The following NTM variants were observed in gnomAD, a reference collection of about 807,000 sequenced individuals.
NTM encodes the protein neurotrimin, also known as IgLON family member 2.
A neutral mutation model predicts 42.1 loss-of-function variants in NTM; 13 were observed. That is an observed-to-expected ratio of 0.31 (90% CI 0.20 to 0.49). NTM has a LOEUF of 0.49. NTM is among the 20% of genes least tolerant of loss of function. The pLI is 0.99. For synonymous variants in NTM, 187 were observed against 179.2 expected (o/e 1.04, Z -0.35); for missense variants, 373 against 452.8 (o/e 0.82, Z 1.60).
chr11:131,754,144 A>AGGGGGGGGGGGGGGGGGGG (rs2082974544), intron 1 of NTM, among the ~76,000 whole-genome samples: 1 of 85,716 alleles, frequency 1.2e-5, no homozygotes, highest in South Asian at 4.6e-4. Context: ...GGGTGGGGGG[A>AGGGGGGGGGGGGGGGGGGG]GGGGGAAGGG....
At chr11:131,374,235 A>G (rs767903003) in intron 1 of NTM, among the ~76,000 whole-genome samples, 1 of 152,204 alleles carries the variant, frequency 6.6e-6, no homozygotes, top group Non-Finnish European at 1.5e-5. Context: ...GTTCCTGGCA[A>G]GGCGTGCACA....
intron 3 of NTM, among the ~76,000 whole-genome samples, chr11:132,158,751 T>G (rs1309815846): frequency 1.3e-5 from 2 of 152,242 alleles, no homozygotes; most frequent in African/African-American, 4.8e-5. Context: ...TCTATCAAAA[T>G]GTTTTGGTCC....
chr11:131,526,821 A>G (rs531827975), intron 1 of NTM, among the ~76,000 whole-genome samples: 99 of 152,328 alleles, frequency 6.5e-4, no homozygotes, highest in African/African-American at 2.2e-3. Flanking sequence ...GGGAAAAGTT[A>G]TGTCTTATGC....
At chr11:131,803,197 A>G (rs2092270221) in intron 1 of NTM, among the ~76,000 whole-genome samples, 2 of 152,172 alleles carry the variant, frequency 1.3e-5, no homozygotes, top group Admixed American at 1.3e-4. Context: ...GGGACATTAT[A>G]CACAGAGTTT....
intron 2 of NTM, among the ~76,000 whole-genome samples, chr11:131,948,384 A>G (rs12796142): frequency 4.7e-5 from 7 of 147,518 alleles, no homozygotes; most frequent in Non-Finnish European, 8.9e-5. Flanking sequence ...AAAAAAACAA[A>G]AAAACAAAAA....
intron 2 of NTM, among the ~76,000 whole-genome samples, chr11:132,014,807 A>G (rs1418722952): frequency 2.1e-5 from 3 of 144,432 alleles, no homozygotes; most frequent in African/African-American, 7.8e-5. Context: ...TTATTGGATA[A>G]ATAGTTTGCA....
intron 1 of NTM, among the ~76,000 whole-genome samples, chr11:131,789,443 AAG>A (rs1491479635): frequency 9.7e-5 from 1 of 10,308 alleles, no homozygotes; most frequent in African/African-American, 3.7e-4. Flanking sequence ...GAAGAAGAAG[AAG>A]AAGAAGAAGA....
At chr11:132,204,422 C>T (rs965203797) in intron 3 of NTM, among the ~76,000 whole-genome samples, 6 of 152,278 alleles carry the variant, frequency 3.9e-5, no homozygotes, top group South Asian at 2.1e-4. Context: ...TTTCAATGAA[C>T]GAGACACCAG....
chr11:132,021,716 G>T (rs2074364840), intron 2 of NTM, among the ~76,000 whole-genome samples: 1 of 152,174 alleles, frequency 6.6e-6, no homozygotes, highest in Non-Finnish European at 1.5e-5. Context: ...CCCCAGGACT[G>T]AGTTGACATC....
intron 2 of NTM, among the ~76,000 whole-genome samples, chr11:131,956,221 G>T (rs562606288): frequency 3.3e-5 from 5 of 152,316 alleles, no homozygotes; most frequent in African/African-American, 1.2e-4. Context: ...GCTCTGGGCA[G>T]TTGCTTCTTT....
At chr11:132,229,237 G>C (rs898583434) in intron 4 of NTM, among the ~76,000 whole-genome samples, 2 of 152,136 alleles carry the variant, frequency 1.3e-5, no homozygotes, top group African/African-American at 4.8e-5. Context: ...GCCTTATGAT[G>C]TAGGTGTTCT....
chr11:131,948,384 A>AAAAAG, intron 2 of NTM, among the ~76,000 whole-genome samples: 1 of 147,600 alleles, frequency 6.8e-6, no homozygotes, highest in East Asian at 2.0e-4. Context: ...AAAAAAACAA[A>AAAAAG]AAAACAAAAA....
intron 1 of NTM, among the ~76,000 whole-genome samples, chr11:131,466,458 G>A (rs1171547009): frequency 6.6e-6 from 1 of 152,134 alleles, no homozygotes; most frequent in African/African-American, 2.4e-5. Flanking sequence ...ACTTGCATAA[G>A]GCTTAAGCAG....
chr11:131,416,563 A>G (rs553827376), intron 1 of NTM, among the ~76,000 whole-genome samples: 1 of 152,320 alleles, frequency 6.6e-6, no homozygotes, highest in African/African-American at 2.4e-5. Context: ...ACTTACCAGC[A>G]AAATCAGGTG....
chr11:131,985,793 GAAAAC>G (rs928970863), intron 2 of NTM, among the ~76,000 whole-genome samples: 27 of 152,252 alleles, frequency 1.8e-4, no homozygotes, highest in African/African-American at 6.5e-4. Flanking sequence ...AAGAAGAAGA[GAAAAC>G]AAGTTTTGGT....
At chr11:131,989,418 T>C (rs2066627548) in intron 2 of NTM, among the ~76,000 whole-genome samples, 1 of 152,202 alleles carries the variant, frequency 6.6e-6, no homozygotes, top group Non-Finnish European at 1.5e-5. Context: ...GATGTGATAT[T>C]GCGGTAATAG....
intron 3 of NTM, among the ~76,000 whole-genome samples, chr11:132,176,807 C>A (rs1239664784): frequency 6.8e-6 from 1 of 147,090 alleles, no homozygotes; most frequent in African/African-American, 2.5e-5. Flanking sequence ...CGGCTCACTG[C>A]AACCTCTGCC....
At chr11:131,996,018 C>T (rs2067942897) in intron 2 of NTM, among the ~76,000 whole-genome samples, 1 of 152,082 alleles carries the variant, frequency 6.6e-6, no homozygotes, top group South Asian at 2.1e-4. Flanking sequence ...AAACAAATGT[C>T]AGTTTCAAGC....
chr11:132,145,645 C>T (rs1351712665), intron 2 of NTM, among the ~76,000 whole-genome samples: 3 of 152,280 alleles, frequency 2.0e-5, no homozygotes, highest in Non-Finnish European at 4.4e-5. Flanking sequence ...TAGCAGTTAA[C>T]CGAACATTTC....
Sources: allele counts gnomAD v4.1 joint callset (sites outside exome capture counted in the v4.1 genomes callset), GRCh38; gene constraint gnomAD v4.1.1; transcripts MANE v1.5; gene names NCBI Gene and HGNC (gene_info 2026-07-23, HGNC 2026-07-21).